The following ACOXL variants were observed in gnomAD, a reference collection of about 807,000 sequenced individuals.
The protein encoded by ACOXL is acyl-coenzyme A oxidase-like protein.
A neutral mutation model predicts 71.9 loss-of-function variants in ACOXL; 70 were observed. The ratio of observed to expected loss-of-function variants is 0.97; its 90% CI spans 0.80 to 1.19. The LOEUF is 1.19. ACOXL is among the 50% of genes most tolerant of loss of function. The pLI is 0.00. For missense variants in ACOXL, 703 were observed against 736.3 expected, an observed-to-expected ratio of 0.95 and a Z score of 0.52; for synonymous variants, 253 against 281.6, an observed-to-expected ratio of 0.90 and a Z score of 1.02.
intron 14 of ACOXL, among the ~76,000 whole-genome samples, chr2:111,000,079 G>A (rs1170980719): frequency 1.3e-5 from 2 of 152,186 alleles, no homozygotes; most frequent in Non-Finnish European, 2.9e-5. Context: ...CACCTATGCA[G>A]TTAGCTTTGA....
chr2:111,001,460 G>C (rs1328762084), intron 14 of ACOXL, among the ~76,000 whole-genome samples: 1 of 152,138 alleles, frequency 6.6e-6, no homozygotes, highest in Non-Finnish European at 1.5e-5. Context: ...AAAAAGTCAG[G>C]ATGCCTCAGA....
chr2:110,803,859 G>T (rs1300981815), intron 8 of ACOXL, among the ~76,000 whole-genome samples: 1 of 151,934 alleles, frequency 6.6e-6, no homozygotes, highest in Non-Finnish European at 1.5e-5. Context: ...GCAAAAATCT[G>T]AATAGACATT....
At chr2:111,017,502 G>C (rs559075743) in intron 14 of ACOXL, among the ~76,000 whole-genome samples, 60 of 152,364 alleles carry the variant, frequency 3.9e-4, no homozygotes, top group Admixed American at 3.8e-3. Flanking sequence ...GCCAAGTGGG[G>C]AGCAGTGGCC....
intron 14 of ACOXL, among the ~76,000 whole-genome samples, chr2:111,009,863 C>T (rs2064062101): frequency 6.6e-6 from 1 of 152,116 alleles, no homozygotes; most frequent in Non-Finnish European, 1.5e-5. Flanking sequence ...AAGGGATTGC[C>T]TAAGGACTGA....
chr2:111,087,757 A>T (rs1392529361), intron 16 of ACOXL, among the ~76,000 whole-genome samples: 1 of 152,234 alleles, frequency 6.6e-6, no homozygotes, highest in Non-Finnish European at 1.5e-5. Flanking sequence ...CATGACAAAG[A>T]TGCCAAAAGC....
chr2:110,799,408 G>A (rs1487968841), intron 7 of ACOXL, among the ~76,000 whole-genome samples: 3 of 152,120 alleles, frequency 2.0e-5, no homozygotes, highest in African/African-American at 7.2e-5. Flanking sequence ...GGGGCTCTCA[G>A]GGGGCAGGCT....
At chr2:111,051,935 G>T (rs2066308368) in intron 16 of ACOXL, among the ~76,000 whole-genome samples, 1 of 152,116 alleles carries the variant, frequency 6.6e-6, no homozygotes, top group African/African-American at 2.4e-5. Context: ...GTCCCAGGCA[G>T]CCTAATTTTG....
At chr2:111,047,615 T>C (rs145714185) in intron 15 of ACOXL, among the ~76,000 whole-genome samples, 93 of 152,328 alleles carry the variant, frequency 6.1e-4, no homozygotes, top group African/African-American at 2.1e-3. Flanking sequence ...CAGGCAGGTG[T>C]ATTCTGAATG....
chr2:111,045,634 T>C (rs995057297), intron 15 of ACOXL, among the ~76,000 whole-genome samples: 1 of 152,042 alleles, frequency 6.6e-6, no homozygotes, highest in Non-Finnish European at 1.5e-5. Flanking sequence ...GAAAACCTAA[T>C]GGTTTTCACC....
intron 14 of ACOXL, 75 bp downstream of exon 14, chr2:110,996,079 A>G (rs2063384445): frequency 1.0e-5 from 13 of 1,275,594 alleles, no homozygotes; most frequent in African/African-American, 1.5e-5. Context: ...ACTATCTGTT[A>G]AGTTTAGTAG....
chr2:110,822,878 C>G (rs1688777252), intron 9 of ACOXL, among the ~76,000 whole-genome samples: 1 of 152,260 alleles, frequency 6.6e-6, no homozygotes, highest in East Asian at 1.9e-4. Context: ...TAGTTTTTGC[C>G]TTTTTGAGAA....
chr2:110,906,735 GCT>G (rs1320254382), intron 10 of ACOXL, among the ~76,000 whole-genome samples: 1 of 152,202 alleles, frequency 6.6e-6, no homozygotes, highest in Non-Finnish European at 1.5e-5. Flanking sequence ...CATGCCCAAG[GCT>G]CTCTCTGCAC....
intron 12 of ACOXL, among the ~76,000 whole-genome samples, chr2:110,986,208 A>C (rs1266469467): frequency 6.6e-6 from 1 of 152,248 alleles, no homozygotes; most frequent in Non-Finnish European, 1.5e-5. Context: ...TTTATGATAT[A>C]TTGTTGAGTT....
intron 14 of ACOXL, chr2:111,017,865 T>C (rs1307631224): frequency 2.0e-5 from 3 of 152,220 alleles, no homozygotes; most frequent in Non-Finnish European, 4.4e-5. Context: ...ATCCCTGATA[T>C]TGTTTCGCTC....
At chr2:110,992,710 T>C (rs1354350155) in intron 13 of ACOXL, among the ~76,000 whole-genome samples, 1 of 152,126 alleles carries the variant, frequency 6.6e-6, no homozygotes, top group Non-Finnish European at 1.5e-5. Flanking sequence ...TGTACCTGGC[T>C]CTGCAGATAG....
At chr2:110,762,890 C>T (rs1277551130) in intron 1 of ACOXL, among the ~76,000 whole-genome samples, 1 of 152,146 alleles carries the variant, frequency 6.6e-6, no homozygotes, top group East Asian at 1.9e-4. Flanking sequence ...CTCCTGGGCT[C>T]GAGCAATCTG....
intron 15 of ACOXL, among the ~76,000 whole-genome samples, chr2:111,032,293 G>C (rs116598285): frequency 2.0e-5 from 3 of 152,262 alleles, no homozygotes; most frequent in African/African-American, 7.2e-5. Context: ...CCACTGGTGC[G>C]CAGTGGGTGG....
At chr2:111,042,137 T>C (rs1297369547) in intron 15 of ACOXL, among the ~76,000 whole-genome samples, 1 of 152,222 alleles carries the variant, frequency 6.6e-6, no homozygotes, top group Non-Finnish European at 1.5e-5. Flanking sequence ...ACTTCTAAGA[T>C]GTCAGTCAGC....
intron 10 of ACOXL, among the ~76,000 whole-genome samples, chr2:110,870,948 G>A (rs1300770984): frequency 6.6e-6 from 1 of 152,134 alleles, no homozygotes; most frequent in Non-Finnish European, 1.5e-5. Flanking sequence ...CTGCTCAGGA[G>A]GGACCCCTGA....
Sources: gnomAD v4.1 joint callset for allele counts (sites outside exome capture counted in the v4.1 genomes callset) on GRCh38, gnomAD v4.1.1 for gene constraint, MANE v1.5 for transcripts, NCBI Gene and HGNC (gene_info 2026-07-23, HGNC 2026-07-21) for gene names.